The following S100A2 variants were observed in gnomAD, a reference collection of about 807,000 sequenced individuals.
S100A2 encodes protein S100-A2.
In S100A2, 5 loss-of-function variants were observed where a neutral mutation model predicts 4.3. The observed-to-expected ratio is 1.16, with a 90% CI of 0.61 to 2.44. The LOEUF (loss-of-function observed/expected upper bound fraction) is 2.44. S100A2 is among the 30% of genes most tolerant of loss of function. S100A2 has a pLI of 0.01. For synonymous variants in S100A2, 44 were observed against 46.0 expected (o/e 0.96, Z 0.17); for missense variants, 103 against 114.7 (o/e 0.90, Z 0.47).
chr1:153,562,786 T>A lies in S100A2; in HGVS notation c.144+948A>T, dbSNP rs559648650. 2.7e-5 allele frequency among the ~76,000 whole-genome samples: 4 copies of A among 150,786 alleles called. No individual in the cohort carries two copies. The East Asian group carries it at 7.8e-4, about 30-fold the overall frequency. On this transcript the variant is annotated intron_variant, in intron 2 of 2. Transcript: ENST00000368708. ...TGGGAGGATTGCTTGAACCCAGGAG[T>A]TCAAGCCCAGCCTGGACAACATAGC... is the stretch of plus-strand genomic sequence containing the variant.
intron 2 of S100A2, among the ~76,000 whole-genome samples, chr1:153,562,574 T>A (rs1665916878): frequency 6.6e-6 from 1 of 152,210 alleles, no homozygotes; most frequent in Admixed American, 6.5e-5. Context: ...GAATCACCAA[T>A]GAGTCAGTAT....
At chr1:153,564,697 G>A (rs778795550) in intron 1 of S100A2, among the ~76,000 whole-genome samples, 2 of 151,914 alleles carry the variant, frequency 1.3e-5, no homozygotes, top group Non-Finnish European at 2.9e-5. Flanking sequence ...GAGGCCAGAG[G>A]AGCTATGCCA....
Position 153,561,351 on chromosome 1 carries a change from G to A in S100A2, c.*88C>T. On this transcript the variant is annotated 3_prime_UTR_variant, in exon 3 of 3. Coordinates refer to ENST00000368708, the MANE Select transcript of S100A2 (RefSeq NM_005978.4). ...CTGAGCAATTAAAATATTATCAACA[G>A]ACAAAAAAAGTTTATTGAATACAAA... 1 of 1,472,810 alleles carries A rather than the reference G, an allele frequency of 6.8e-7. No individual in the cohort carries two copies. Among genetic ancestry groups the A allele is most frequent in the African/African-American group, 1.4e-5 (1 of 70,418 alleles). The allele number at this position is 1,472,810 out of a possible 1,614,324, so 91.2% of individuals were successfully genotyped here. A position where few individuals can be genotyped will look rare whatever the true frequency, so the allele number is the denominator to read the frequency against.
chr1:153,563,916 T>C, intron 1 of S100A2, 29 bp from the exon 2 acceptor site: 1 of 1,602,892 alleles, frequency 6.2e-7, no homozygotes. Context: ...ATGGGTACAC[T>C]GCTGAGGCTC....
intron 1 of S100A2, 141 bp from the exon 2 acceptor site, chr1:153,564,028 C>T (rs1030986048): frequency 1.2e-6 from 1 of 825,840 alleles, no homozygotes; most frequent in African/African-American, 1.7e-5. Context: ...TGCATCTCCC[C>T]CTCAGACTGT....
intron 2 of S100A2, chr1:153,563,491 A>G: frequency 1.3e-6 from 2 of 1,550,634 alleles, no homozygotes; most frequent in Non-Finnish European, 1.7e-6. Context: ...ACAGGATTAA[A>G]CAGATGGACT....
Position 153,561,213 on chromosome 1 carries a change from T to C in S100A2, c.*226A>G, listed in dbSNP as rs1665886764. ...AATTCCAAAATTGAGACCTAAAGCA[T>C]AGCTCTGGCCTTGGAGAGATTTCCA... On this transcript the variant is annotated 3_prime_UTR_variant, in exon 3 of 3. Transcript: ENST00000368708. 2.3e-6 allele frequency: 1 copy of C among 430,766 alleles called. No individual in the cohort carries two copies. The highest frequency in any genetic ancestry group is 4.0e-6 in the Non-Finnish European group (1 of 248,184). 26.7% of individuals were successfully genotyped at this position (430,766 alleles called of 1,614,324 possible). A position where few individuals can be genotyped will look rare whatever the true frequency, so the allele number is the denominator to read the frequency against.
At chr1:153,562,073 C>CA (rs1407680500) in intron 2 of S100A2, among the ~76,000 whole-genome samples, 2 of 152,260 alleles carry the variant, frequency 1.3e-5, no homozygotes, top group Non-Finnish European at 2.9e-5. Context: ...GCAATCCTCC[C>CA]ACCTCAGCCT....
At position 153,565,178 on chromosome 1, in the gene S100A2, G is replaced by T. The variant is rs188085716; in HGVS notation, c.-11+328C>A. On this transcript the variant is annotated intron_variant, in intron 1 of 2. Transcript: ENST00000368708. The stretch of plus-strand genomic sequence containing the variant: ...TACAAAAAAATTAGCCGGGCATGGT[G>T]GTGGGCGCCTGCAGTCCCAGCTACT... 1.5e-3 allele frequency among the ~76,000 whole-genome samples: 235 copies of T among 152,080 alleles called. 2 individuals are homozygous for T. The highest frequency in any genetic ancestry group is 5.2e-3 in the African/African-American group (217 of 41,470).
intron 2 of S100A2, chr1:153,563,392 GAA>G: frequency 1.3e-6 from 2 of 1,517,414 alleles, no homozygotes; most frequent in South Asian, 1.3e-5. Context: ...AAAAAGAAAA[GAA>G]AAGAGAGAGA....
intron 2 of S100A2, among the ~76,000 whole-genome samples, chr1:153,562,708 A>G (rs950313515): frequency 7.9e-5 from 12 of 152,278 alleles, no homozygotes; most frequent in African/African-American, 2.9e-4. Context: ...AAATGGAAAG[A>G]GGTCAAGCAC....
intron 2 of S100A2, among the ~76,000 whole-genome samples, 189 bp from the exon 3 acceptor site, chr1:153,561,780 C>T (rs1291905241): frequency 6.6e-6 from 1 of 152,212 alleles, no homozygotes; most frequent in East Asian, 1.9e-4. Context: ...GACAGATACT[C>T]ATTGGTGAGC....
chr1:153,562,524 G>A (rs767845680), intron 2 of S100A2, among the ~76,000 whole-genome samples: 16 of 152,162 alleles, frequency 1.1e-4, no homozygotes, highest in Non-Finnish European at 2.2e-4. Flanking sequence ...AGGAAAGAAG[G>A]ACCTGCCTCA....
intron 1 of S100A2, 192 bp from the exon 2 acceptor site, chr1:153,564,079 A>G: frequency 1.8e-6 from 1 of 552,692 alleles, no homozygotes; most frequent in Non-Finnish European, 3.1e-6. Flanking sequence ...TCTCACCCTG[A>G]GGGCAGACGC....
intron 2 of S100A2, 44 bp from the exon 3 acceptor site, chr1:153,561,635 C>T (rs767279405): frequency 6.2e-7 from 1 of 1,613,344 alleles, no homozygotes; most frequent in Non-Finnish European, 8.5e-7. Flanking sequence ...CCAGCCCCAA[C>T]CCCAGCTCCA....
intron 1 of S100A2, among the ~76,000 whole-genome samples, chr1:153,564,842 T>A (rs1342892957): frequency 5.9e-5 from 1 of 16,926 alleles, no homozygotes; most frequent in East Asian, 5.6e-3. Context: ...CCTGCTAGAA[T>A]CCAGGACTTT....
rs766219598 is a variant in S100A2, at chr1:153,561,458, C to T, written c.278G>A (p.Gly93Asp). The T allele has an allele frequency of 2.4e-5, 39 of 1,613,972 alleles. 1 individual carries two copies. In the South Asian group the frequency reaches 3.8e-4, roughly 16 times the overall value. ...TCTGCTTCAGGGTCGGTCTGGGCAGCCCTGGAAGAAGTCATTGCACATGAC... is the reference window on the plus strand; with the variant it reads ...TCTGCTTCAGGGTCGGTCTGGGCAGTCCTGGAAGAAGTCATTGCACATGAC... Reference protein sequence around the residue: ...ITVMCNDFFQGCPDRP With the variant: ...ITVMCNDFFQDCPDRP Residue 93 changes from glycine (G) to aspartate (D), a missense_variant, in exon 3 of 3, where the codon GGC (glycine) becomes GAC (aspartate). Physicochemically the swap from Gly to Asp is moderately conservative, Grantham distance 94 (BLOSUM62 -1). Coordinates refer to ENST00000368708, the MANE Select transcript of S100A2 (RefSeq NM_005978.4).
intron 1 of S100A2, among the ~76,000 whole-genome samples, chr1:153,565,245 G>C (rs931732590): frequency 1.4e-5 from 2 of 147,198 alleles, no homozygotes; most frequent in South Asian, 4.3e-4. Flanking sequence ...CTGGGAGGGG[G>C]AGTTTGCAGT....
rs1489462240 is a variant in S100A2, at chr1:153,563,705, G to A, written c.144+29C>T. 4 of 1,602,272 alleles carry A rather than the reference G, an allele frequency of 2.5e-6. No homozygotes were observed. In the South Asian group the frequency reaches 3.4e-5, roughly 13 times the overall value. On this transcript the variant is annotated intron_variant, in intron 2 of 2. Transcript: ENST00000368708. Reference sequence around the variant, plus strand: ...ACCTGCACCCCCACACTCACACCAGGACCTCCCCCACAGGCCTGTGCCACT... The same window carrying A: ...ACCTGCACCCCCACACTCACACCAGAACCTCCCCCACAGGCCTGTGCCACT...
Sources: gnomAD v4.1 joint callset for allele counts (sites outside exome capture counted in the v4.1 genomes callset) on GRCh38, gnomAD v4.1.1 for gene constraint, MANE v1.5 for transcripts, NCBI Gene and HGNC (gene_info 2026-07-23, HGNC 2026-07-21) for gene names.